The following SRR variants were observed in gnomAD, a reference collection of about 807,000 sequenced individuals.
SRR encodes the protein D-serine ammonia-lyase.
A neutral mutation model predicts 32.7 loss-of-function variants in SRR; 19 were observed. The ratio of observed to expected loss-of-function variants is 0.58; its 90% CI spans 0.40 to 0.85. The LOEUF (loss-of-function observed/expected upper bound fraction) is 0.85, where lower values mean the gene tolerates loss of function less well. SRR is among the 40% of genes least tolerant of loss of function. The probability of loss-of-function intolerance (pLI) is 0.00; values close to 1 mark genes in which losing one functional copy is unlikely to be tolerated. For synonymous variants in SRR, 142 were observed against 140.9 expected (o/e 1.01, Z -0.06); for missense variants, 373 against 404.7 (o/e 0.92, Z 0.67).
intron 6 of SRR, 200 bp from the exon 7 acceptor site, chr17:2,322,935 TC>T: frequency 1.8e-6 from 1 of 554,130 alleles, no homozygotes; most frequent in South Asian, 2.0e-5. Context: ...TGGCTGATTT[TC>T]CTATTTTTAG....
upstream of SRR, chr17:2,303,750 C>T (rs1411615102): frequency 3.4e-6 from 5 of 1,478,940 alleles, no homozygotes; most frequent in Admixed American, 2.3e-5. Context: ...GCCGTAGCGG[C>T]TCCGCCACCG....
chr17:2,303,399 G>C (rs1345385433), upstream of SRR: 1 of 1,247,696 alleles, frequency 8.0e-7, no homozygotes, highest in Non-Finnish European at 1.0e-6. Flanking sequence ...AAAGAGGGTG[G>C]AGGCAGGAAT....
Position 2,324,461 on chromosome 17 carries a change from C to G in SRR, c.*588C>G. 1 of 1,613,884 alleles carries G rather than the reference C, an allele frequency of 6.2e-7. No individual in the cohort carries two copies. Among genetic ancestry groups the G allele is most frequent in the South Asian group, 1.1e-5 (1 of 91,004 alleles). On this transcript the variant is annotated 3_prime_UTR_variant, in exon 8 of 8. Coordinates refer to ENST00000344595, the MANE Select transcript of SRR (RefSeq NM_021947.3). ...CCAACCCAACAGTCATTTAGCAACA[C>G]TGCAGAAATGCAGACATGGTCTCAA...
chr17:2,314,097 T>C (rs1315861226), intron 1 of SRR, among the ~76,000 whole-genome samples: 4 of 152,226 alleles, frequency 2.6e-5, no homozygotes. Context: ...GTAAAGAAAC[T>C]GAGTCAAATG....
intron 4 of SRR, among the ~76,000 whole-genome samples, chr17:2,320,997 C>T (rs1370490556): frequency 6.6e-6 from 1 of 152,238 alleles, no homozygotes; most frequent in African/African-American, 2.4e-5. Context: ...ATATTCTAGA[C>T]ATCCACAGCA....
chr17:2,324,934 C>A lies in SRR; in HGVS notation c.*1061C>A. ...CATGCAAGAGCCTGGTTTGTCATCCCTGCCCTAGCCCAATCTGAGGCTAAG... is the reference window on the plus strand; with the variant it reads ...CATGCAAGAGCCTGGTTTGTCATCCATGCCCTAGCCCAATCTGAGGCTAAG... On this transcript the variant is annotated 3_prime_UTR_variant, in exon 8 of 8. Coordinates refer to ENST00000344595, the MANE Select transcript of SRR (RefSeq NM_021947.3). The A allele has an allele frequency of 7.7e-7, 1 of 1,304,952 alleles. No individual in the cohort carries two copies. The highest frequency in any genetic ancestry group is 1.0e-6 in the Non-Finnish European group (1 of 970,152). The allele number at this position is 1,304,952 out of a possible 1,614,324, so 80.8% of individuals were successfully genotyped here.
In SRR at chr17:2,304,427, T is replaced by A. The variant is rs552815255; in HGVS notation, c.-5+410T>A. Among the ~76,000 whole-genome samples, 174 of 137,418 alleles carry A rather than the reference T, an allele frequency of 1.3e-3. 1 individual carries two copies. Among genetic ancestry groups the A allele is most frequent in the Admixed American group, 4.8e-3 (63 of 13,244 alleles). 90.2% of individuals were successfully genotyped at this position (137,418 alleles called of 152,430 possible). On this transcript the variant is annotated intron_variant, in intron 1 of 7. Coordinates refer to ENST00000344595, the MANE Select transcript of SRR (RefSeq NM_021947.3). ...CCACCAAGCCCGGCTAATTTTTGTA[T>A]TTTTTGTAGAGACGGGGTTTCACTA... is the stretch of plus-strand genomic sequence containing the variant.
chr17:2,318,136 GTT>G, intron 3 of SRR, 140 bp downstream of exon 3: 2 of 925,388 alleles, frequency 2.2e-6, no homozygotes, highest in Non-Finnish European at 1.5e-6. Flanking sequence ...ATGAACATAA[GTT>G]TTTTTTTTGT....
chr17:2,321,759 T>C, intron 6 of SRR, 143 bp downstream of exon 6: 1 of 710,458 alleles, frequency 1.4e-6, no homozygotes, highest in Non-Finnish European at 2.4e-6. Context: ...AAGGCCCATC[T>C]CTGCCTCACT....
Position 2,324,483 on chromosome 17 carries a change from T to C in SRR, c.*610T>C. 1 of 1,614,194 alleles carries C rather than the reference T, an allele frequency of 6.2e-7. No homozygotes were observed. Among genetic ancestry groups the C allele is most frequent in the South Asian group, 1.1e-5 (1 of 91,078 alleles). The stretch of plus-strand genomic sequence containing the variant: ...ACACTGCAGAAATGCAGACATGGTC[T>C]CAAATCCCGTGTTTCCTTACCTAAA... On this transcript the variant is annotated 3_prime_UTR_variant, in exon 8 of 8. Coordinates refer to ENST00000344595, the MANE Select transcript of SRR (RefSeq NM_021947.3).
rs979210699 is a variant in SRR, at chr17:2,307,382, G to A, written c.-5+3365G>A. On this transcript the variant is annotated intron_variant, in intron 1 of 7. Coordinates refer to ENST00000344595, the MANE Select transcript of SRR (RefSeq NM_021947.3). ...GGAAACTTTGGTGGTGGTCGTGGAG[G>A]TGGTTTCGGTAGGAATGACAACTTT... 5 of 1,098,824 alleles carry A rather than the reference G, an allele frequency of 4.6e-6. No homozygotes were observed. The African/African-American group carries it at 7.7e-5, about 17-fold the overall frequency. The allele number at this position is 1,098,824 out of a possible 1,614,324, so 68.1% of individuals were successfully genotyped here. A position where few individuals can be genotyped will look rare whatever the true frequency, so the allele number is the denominator to read the frequency against.
intron 1 of SRR, 91 bp from the exon 2 acceptor site, chr17:2,315,466 A>G (rs1597263310): frequency 1.6e-6 from 2 of 1,222,318 alleles, no homozygotes; most frequent in East Asian, 2.5e-5. Context: ...CACAGGCCCC[A>G]GGTCTATTCT....
chr17:2,307,755 G>A (rs557692212), intron 1 of SRR: 27 of 894,516 alleles, frequency 3.0e-5, no homozygotes, highest in South Asian at 2.6e-4. Context: ...GAGAGCCAGC[G>A]AAGTGACAGG....
chr17:2,303,842 C>T (rs1424690657), upstream of SRR: 10 of 802,240 alleles, frequency 1.2e-5, no homozygotes, highest in Non-Finnish European at 1.1e-5. Context: ...CCCTGCCGCC[C>T]TCCCTTTCCG....
At chr17:2,319,562 T>C (rs1030491581) in intron 4 of SRR, among the ~76,000 whole-genome samples, 2 of 152,100 alleles carry the variant, frequency 1.3e-5, no homozygotes, top group African/African-American at 4.8e-5. Context: ...ATCACAGGCA[T>C]GACCCACTGC....
rs562837796 is a variant in SRR at position 2,305,891 on chromosome 17, G to C, written c.-5+1874G>C. ...TTTTTGTATTTTTAGTAGAGATGGG[G>C]TTTCACCATGTTGACCAGTCTGGTC... On this transcript the variant is annotated intron_variant, in intron 1 of 7. Coordinates refer to ENST00000344595, the MANE Select transcript of SRR (RefSeq NM_021947.3). Among the ~76,000 whole-genome samples the C allele has an allele frequency of 1.6e-4, 25 of 151,770 alleles. No individual in the cohort carries two copies. In the East Asian group the frequency reaches 4.5e-3, roughly 27 times the overall value.
Position 2,324,586 on chromosome 17 carries a change from T to A in SRR, c.*713T>A. 1 of 1,614,112 alleles carries A rather than the reference T, an allele frequency of 6.2e-7. No homozygotes were observed. The highest frequency in any genetic ancestry group is 8.5e-7 in the Non-Finnish European group (1 of 1,180,030). On this transcript the variant is annotated 3_prime_UTR_variant, in exon 8 of 8. Transcript: ENST00000344595. The stretch of plus-strand genomic sequence containing the variant: ...TAAACCACAGCACATCCTCTTAGAA[T>A]CAAACACATTAAAGACCAAGATGAA...
chr17:2,321,832 C>T (rs561698038), intron 6 of SRR, among the ~76,000 whole-genome samples: 1 of 152,338 alleles, frequency 6.6e-6, no homozygotes, highest in East Asian at 1.9e-4. Context: ...GGCTGGAGTG[C>T]AGTGGCACGA....
chr17:2,303,675 G>A, upstream of SRR: 2 of 1,495,588 alleles, frequency 1.3e-6, no homozygotes, highest in Non-Finnish European at 1.8e-6. Context: ...AGGATCCCGC[G>A]CAGCTCCGAC....
Sources: allele counts gnomAD v4.1 joint callset (sites outside exome capture counted in the v4.1 genomes callset), GRCh38; gene constraint gnomAD v4.1.1; transcripts MANE v1.5; gene names NCBI Gene and HGNC (gene_info 2026-07-23, HGNC 2026-07-21).